Variants in OR10J1 observed in about 807,000 individuals in gnomAD.
OR10J1 encodes olfactory receptor family 10 subfamily J member 1, also known as olfactory receptor 10J1.
For missense variants in OR10J1, 474 were observed against 376.6 expected (o/e 1.26, Z -2.14); for synonymous variants, 202 against 143.8 (o/e 1.40, Z -2.89).
At chr1:159,416,059 T>C in the OR10J1 span, among the ~76,000 whole-genome samples, 1 of 152,018 alleles carries the variant, frequency 6.6e-6, no homozygotes, top group African/African-American at 2.4e-5. Context: ...CTAAATTTAT[T>C]TGTAGATTTA....
chr1:159,418,585 C>T, the OR10J1 span, among the ~76,000 whole-genome samples: 1 of 152,204 alleles, frequency 6.6e-6, no homozygotes, highest in Non-Finnish European at 1.5e-5. Context: ...CAGAAGTTTG[C>T]TGCAGGGGTG....
chr1:159,414,473 A>T, the OR10J1 span, among the ~76,000 whole-genome samples: 1 of 152,066 alleles, frequency 6.6e-6, no homozygotes, highest in African/African-American at 2.4e-5. Context: ...TACCACATTT[A>T]CTTTGTACAT....
the OR10J1 span, among the ~76,000 whole-genome samples, chr1:159,419,958 C>A: frequency 6.6e-6 from 1 of 152,056 alleles, no homozygotes; most frequent in Non-Finnish European, 1.5e-5. Flanking sequence ...ATTGGAGTCT[C>A]TCTCTCTCTT....
upstream of OR10J1, chr1:159,437,710 G>A (rs191116008): frequency 4.6e-5 from 7 of 152,164 alleles, no homozygotes; most frequent in African/African-American, 1.7e-4. Flanking sequence ...CCAGCCCCAG[G>A]GGGGTGGCTG....
At chr1:159,434,975 A>G (rs1380005522), upstream of OR10J1, among the ~76,000 whole-genome samples, 1 of 152,104 alleles carries the variant, frequency 6.6e-6, no homozygotes, top group East Asian at 1.9e-4. Context: ...GGAGGTCTTG[A>G]CTTTGTAACT....
chr1:159,403,808 A>G, the OR10J1 span, among the ~76,000 whole-genome samples: 342 of 152,152 alleles, frequency 2.2e-3, 17 homozygotes, highest in East Asian at 0.061. Flanking sequence ...AAGAGATTGT[A>G]CTCCTATGTT....
chr1:159,439,041 G>T (rs997478899), upstream of OR10J1, among the ~76,000 whole-genome samples: 3 of 152,212 alleles, frequency 2.0e-5, no homozygotes, highest in Non-Finnish European at 4.4e-5. Flanking sequence ...TAAAGATGTA[G>T]CATAGTTTAT....
At chr1:159,431,456 C>T in the OR10J1 span, among the ~76,000 whole-genome samples, 1 of 152,318 alleles carries the variant, frequency 6.6e-6, no homozygotes, top group South Asian at 2.1e-4. Context: ...TTGGCTTGAA[C>T]TCATTCACTC....
the OR10J1 span, among the ~76,000 whole-genome samples, chr1:159,424,501 GTA>G: frequency 6.7e-6 from 1 of 150,172 alleles, no homozygotes; most frequent in South Asian, 2.1e-4. Flanking sequence ...TGAAATACAT[GTA>G]TGTGTGTGTA....
chr1:159,402,904 A>G, the OR10J1 span, among the ~76,000 whole-genome samples: 1 of 152,178 alleles, frequency 6.6e-6, no homozygotes. Context: ...TAGTGTCATA[A>G]AAACAAACAC....
At chr1:159,413,699 G>T in the OR10J1 span, among the ~76,000 whole-genome samples, 1 of 142,028 alleles carries the variant, frequency 7.0e-6, no homozygotes, top group Non-Finnish European at 1.5e-5. Flanking sequence ...TGGGGTAGGG[G>T]GAGGGGGGAG....
chr1:159,415,635 C>A, the OR10J1 span, among the ~76,000 whole-genome samples: 1 of 151,886 alleles, frequency 6.6e-6, no homozygotes, highest in South Asian at 2.1e-4. Context: ...ATGGAGATTG[C>A]ATTGGATCTA....
chr1:159,416,962 TTCTC>T, the OR10J1 span, among the ~76,000 whole-genome samples: 1 of 152,026 alleles, frequency 6.6e-6, no homozygotes, highest in Non-Finnish European at 1.5e-5. Context: ...TATTTGGGTC[TTCTC>T]TCTTTTTCTC....
the OR10J1 span, among the ~76,000 whole-genome samples, chr1:159,408,761 T>C: frequency 4.6e-5 from 7 of 152,164 alleles, no homozygotes; most frequent in East Asian, 1.4e-3. Context: ...AATGAGTCAA[T>C]ACATAAATCA....
chr1:159,412,735 T>C, the OR10J1 span, among the ~76,000 whole-genome samples: 3 of 151,884 alleles, frequency 2.0e-5, no homozygotes, highest in Non-Finnish European at 4.4e-5. Context: ...ATAAAAACCC[T>C]AGAAGAAAAC....
the OR10J1 span, among the ~76,000 whole-genome samples, chr1:159,413,157 T>A: frequency 2.0e-5 from 3 of 152,184 alleles, no homozygotes; most frequent in Non-Finnish European, 4.4e-5. Context: ...TCACACTTGT[T>A]AGAATGGCAA....
the OR10J1 span, among the ~76,000 whole-genome samples, chr1:159,421,955 A>C: frequency 6.6e-6 from 1 of 152,098 alleles, no homozygotes; most frequent in African/African-American, 2.4e-5. Flanking sequence ...GGCATGGGCA[A>C]TGACAGTAAT....
chr1:159,440,101 T>G lies in OR10J1; in HGVS notation c.310T>G (p.Phe104Val), dbSNP rs757597353. The G allele has an allele frequency of 3.7e-6, 6 of 1,614,028 alleles. No homozygotes were observed. In the African/African-American group the frequency reaches 8.0e-5, roughly 22 times the overall value. Reference protein sequence around the residue: ...LAGCATQMFFFVTFGITNCFL... With the variant: ...LAGCATQMFFVVTFGITNCFL... ...AGGGTGTGCCACACAGATGTTCTTT[T>G]TTGTAACCTTTGGCATCACTAACTG... The change falls in exon 1 of 1, where the codon TTT (phenylalanine) becomes GTT (valine). Residue 104 changes from phenylalanine (F) to valine (V), a missense_variant. Physicochemically the swap from Phe to Val is conservative, Grantham distance 50. Coordinates refer to ENST00000423932, the MANE Select transcript of OR10J1 (RefSeq NM_012351.3).
Position 159,440,039 on chromosome 1 carries a change from C to T in OR10J1, c.248C>T (p.Ser83Phe). ...YTLVILPRML[S>F]SLVGMSQPIS... is the part of the protein sequence containing the mutation. ...TTGGTCATTCTCCCAAGAATGCTCT[C>T]CAGCCTCGTAGGTATGAGCCAGCCC... Residue 83 changes from serine to phenylalanine, a missense_variant, in exon 1 of 1, where the codon TCC becomes TTC. By Grantham distance (155) the Ser-to-Phe change is radical. Transcript: ENST00000423932. The T allele has an allele frequency of 1.2e-6, 2 of 1,614,144 alleles. No homozygotes were observed. Among genetic ancestry groups the T allele is most frequent in the Non-Finnish European group, 1.7e-6 (2 of 1,180,018 alleles).
Sources: allele counts gnomAD v4.1 joint callset (sites outside exome capture counted in the v4.1 genomes callset), GRCh38; gene constraint gnomAD v4.1.1; transcripts MANE v1.5; gene names NCBI Gene and HGNC (gene_info 2026-07-23, HGNC 2026-07-21).